The following PKHD1 variants were observed in gnomAD, a reference collection of about 807,000 sequenced individuals.
PKHD1 encodes fibrocystin.
PKHD1 carries 291 observed loss-of-function variants against 412.0 expected under a neutral mutation model. The ratio of observed to expected loss-of-function variants is 0.71; its 90% CI spans 0.64 to 0.78. PKHD1 has a LOEUF of 0.78. PKHD1 is among the 30% of genes least tolerant of loss of function. PKHD1 has a pLI of 0.00. For synonymous variants in PKHD1, 1,777 were observed against 1,821.5 expected, an observed-to-expected ratio of 0.98 and a Z score of 0.62; for missense variants, 4,825 against 4,950.7, an observed-to-expected ratio of 0.97 and a Z score of 0.76.
At chr6:51,771,888 G>A (rs1790203195) in intron 55 of PKHD1, among the ~76,000 whole-genome samples, 1 of 152,094 alleles carries the variant, frequency 6.6e-6, no homozygotes, top group Non-Finnish European at 1.5e-5. Flanking sequence ...ATGTGATGGT[G>A]TAGAGGTGAA....
intron 55 of PKHD1, among the ~76,000 whole-genome samples, chr6:51,762,611 A>C (rs1378669565): frequency 6.6e-6 from 1 of 151,720 alleles, no homozygotes; most frequent in Non-Finnish European, 1.5e-5. Context: ...GTTAACATGA[A>C]ACTTTTCCTC....
intron 60 of PKHD1, among the ~76,000 whole-genome samples, chr6:51,671,390 C>A (rs1473914963): frequency 6.6e-6 from 1 of 152,214 alleles, no homozygotes; most frequent in Non-Finnish European, 1.5e-5. Context: ...CCTTGGTTTT[C>A]AGCTCCATCA....
chr6:51,965,866 G>C (rs1792726192), intron 35 of PKHD1, among the ~76,000 whole-genome samples: 1 of 152,004 alleles, frequency 6.6e-6, no homozygotes, highest in Non-Finnish European at 1.5e-5. Context: ...GATTTTCAAA[G>C]TCTGCAGACA....
chr6:51,779,982 C>T (rs1413996286), intron 53 of PKHD1, among the ~76,000 whole-genome samples: 4 of 152,050 alleles, frequency 2.6e-5, no homozygotes, highest in African/African-American at 9.7e-5. Context: ...TGGAATTATA[C>T]AGCATTTGTT....
chr6:51,887,576 A>G (rs180686106), intron 43 of PKHD1, among the ~76,000 whole-genome samples: 2 of 152,094 alleles, frequency 1.3e-5, no homozygotes, highest in African/African-American at 2.4e-5. Context: ...TCACCATAGT[A>G]AGTGAGTTCT....
intron 22 of PKHD1, among the ~76,000 whole-genome samples, chr6:52,049,218 T>C (rs114789960): frequency 0.019 from 2,840 of 152,336 alleles, 36 homozygotes; most frequent in Non-Finnish European, 0.028. Flanking sequence ...CTAGGCTATA[T>C]GGTATAGCCT....
chr6:51,813,685 T>C (rs1379359170), intron 52 of PKHD1, among the ~76,000 whole-genome samples: 2 of 152,158 alleles, frequency 1.3e-5, no homozygotes, highest in African/African-American at 4.8e-5. Context: ...TAACGCAATA[T>C]GATTTGGGCT....
Position 51,817,536 on chromosome 6 carries a change from G to T in PKHD1, c.8302+13325C>A, listed in dbSNP as rs145072906. 1.3e-3 allele frequency among the ~76,000 whole-genome samples: 199 copies of T among 152,192 alleles called. 1 individual carries two copies. Among genetic ancestry groups the T allele is most frequent in the African/African-American group, 4.5e-3 (186 of 41,534 alleles). On this transcript the variant is annotated intron_variant, in intron 52 of 66. Coordinates refer to ENST00000371117, the MANE Select transcript of PKHD1 (RefSeq NM_138694.4). Reference sequence around the variant, plus strand: ...AGAGTTTTGATTCAGGACTACAGCCGTGTCCCCAGAGCAAACACCCCAAGG... The same window carrying T: ...AGAGTTTTGATTCAGGACTACAGCCTTGTCCCCAGAGCAAACACCCCAAGG...
At position 51,855,997 on chromosome 6, in the gene PKHD1, CATA is replaced by C. The variant is rs754325370; in HGVS notation, c.7804_7806del (p.Tyr2602del). ...CGAGGGTTAGACAATGTATCACGTA[CATA>C]ATTGACAGTGGTTGTTTTATTTCTG... On this transcript the variant is annotated inframe_deletion, in exon 49 of 67. Transcript: ENST00000371117. The C allele has an allele frequency of 3.7e-6, 6 of 1,608,756 alleles. No homozygotes were observed. The highest frequency in any genetic ancestry group is 4.3e-6 in the Non-Finnish European group (5 of 1,175,290).
chr6:52,069,935 C>T (rs4715275), intron 10 of PKHD1, among the ~76,000 whole-genome samples: 62,654 of 151,990 alleles, frequency 0.41, 14,984 homozygotes, highest in Admixed American at 0.57. Flanking sequence ...TTAGACCCTA[C>T]GCTTTTAACA....
intron 61 of PKHD1, among the ~76,000 whole-genome samples, chr6:51,655,303 T>TA (rs1771631703): frequency 6.6e-6 from 1 of 152,034 alleles, no homozygotes; most frequent in South Asian, 2.1e-4. Context: ...CCAGGATACA[T>TA]AAAGAGGAGA....
At chr6:51,853,306 G>A (rs1772660186) in intron 49 of PKHD1, among the ~76,000 whole-genome samples, 1 of 152,152 alleles carries the variant, frequency 6.6e-6, no homozygotes, top group Admixed American at 6.5e-5. Context: ...CCCTTTGTAG[G>A]TGACCTGGCC....
chr6:52,056,801 A>G lies in PKHD1; in HGVS notation c.1603-13T>C, dbSNP rs1218092489. The G allele has an allele frequency of 3.7e-6, 6 of 1,602,460 alleles. No homozygotes were observed. Among genetic ancestry groups the G allele is most frequent in the Non-Finnish European group, 5.1e-6 (6 of 1,169,450 alleles). On this transcript the variant is annotated splice_polypyrimidine_tract_variant and intron_variant, in intron 17 of 66. Coordinates refer to ENST00000371117, the MANE Select transcript of PKHD1 (RefSeq NM_138694.4). ...TGGTTGTTTGAATCTATTACAAAGG[A>G]AAAAAATGCCAGGAATTTATATCAT...
intron 60 of PKHD1, among the ~76,000 whole-genome samples, chr6:51,680,734 T>C (rs1217404014): frequency 6.6e-6 from 1 of 152,008 alleles, no homozygotes; most frequent in East Asian, 1.9e-4. Flanking sequence ...AAATAAAAAA[T>C]CCACTTGAAT....
chr6:51,880,779 T>TTA (rs1777141353), intron 46 of PKHD1, among the ~76,000 whole-genome samples: 4 of 30,042 alleles, frequency 1.3e-4, no homozygotes, highest in African/African-American at 2.0e-4. Flanking sequence ...AAAAAAAAAT[T>TTA]AAAAAAAAAA....
chr6:51,822,005 G>T (rs1026854954), intron 52 of PKHD1, among the ~76,000 whole-genome samples: 1 of 152,144 alleles, frequency 6.6e-6, no homozygotes, highest in African/African-American at 2.4e-5. Flanking sequence ...TTCCTTAAAT[G>T]ACATAACCTA....
intron 53 of PKHD1, among the ~76,000 whole-genome samples, chr6:51,782,682 G>T (rs1298152255): frequency 6.6e-6 from 1 of 152,084 alleles, no homozygotes; most frequent in Admixed American, 6.6e-5. Context: ...GCATATGTGG[G>T]TATTTGTGTC....
chr6:51,661,671 A>G lies in PKHD1; in HGVS notation c.10157-1702T>C, dbSNP rs200131042. ...GTTATTCATTATTTCTACCATTCCT[A>G]ATACCTCCTATATGAACCCAGAATA... On this transcript the variant is annotated intron_variant, in intron 60 of 66. Transcript: ENST00000371117. Among the ~76,000 whole-genome samples the G allele has an allele frequency of 8.5e-5, 13 of 152,260 alleles. No homozygotes were observed. In the East Asian group the frequency reaches 2.5e-3, roughly 29 times the overall value.
intron 60 of PKHD1, among the ~76,000 whole-genome samples, chr6:51,667,580 T>C (rs1485905317): frequency 4.6e-5 from 7 of 152,284 alleles, no homozygotes; most frequent in African/African-American, 1.7e-4. Context: ...TTGCCTTTTG[T>C]TGCCATTGCT....
Sources: allele counts gnomAD v4.1 joint callset (sites outside exome capture counted in the v4.1 genomes callset), GRCh38; gene constraint gnomAD v4.1.1; transcripts MANE v1.5; gene names NCBI Gene and HGNC (gene_info 2026-07-23, HGNC 2026-07-21).